Variants in LMO7 observed in about 807,000 individuals in gnomAD.
The protein encoded by LMO7 is LIM domain 7.
LMO7 carries 120 observed loss-of-function variants against 206.5 expected under a neutral mutation model. The observed-to-expected ratio is 0.58, with a 90% CI of 0.50 to 0.68. The LOEUF is 0.68. Ranked by LOEUF, LMO7 falls within the 30% of genes least tolerant of loss-of-function variation. The pLI is 0.00. For synonymous variants in LMO7, 706 were observed against 681.5 expected, an observed-to-expected ratio of 1.04 and a Z score of -0.56; for missense variants, 1,959 against 1,957.9, an observed-to-expected ratio of 1.00 and a Z score of -0.01.
At chr13:75,794,651 C>T (rs2053729124) in intron 4 of LMO7, among the ~76,000 whole-genome samples, 1 of 152,162 alleles carries the variant, frequency 6.6e-6, no homozygotes. Flanking sequence ...TTAAGTGTCT[C>T]TAATGAGGGG....
intron 4 of LMO7, 61 bp from the exon 5 acceptor site, chr13:75,795,340 G>A (rs1446432195): frequency 5.3e-6 from 6 of 1,132,344 alleles, no homozygotes; most frequent in Non-Finnish European, 7.7e-6. Context: ...TTTTTTTCTA[G>A]CTATAATTAA....
intron 1 of LMO7, among the ~76,000 whole-genome samples, chr13:75,700,122 G>A (rs1040756939): frequency 6.6e-6 from 1 of 152,192 alleles, no homozygotes; most frequent in Non-Finnish European, 1.5e-5. Context: ...GAACATCGCT[G>A]TTATCCTGTT....
Position 75,841,713 on chromosome 13 carries a change from G to T in LMO7, c.3761G>T (p.Gly1254Val). ...ACCTGGGAAGCTACCTGGAGTGAAGGGTCCAAGTCTTCAGACAGAGAAGGA... is the reference window on the plus strand; with the variant it reads ...ACCTGGGAAGCTACCTGGAGTGAAGTGTCCAAGTCTTCAGACAGAGAAGGA... ...LATWEATWSE[G>V]SKSSDREGTR... The change falls in exon 24 of 31, where the codon GGG becomes GTG. Residue 1254 changes from glycine to valine, a missense_variant. By Grantham distance (109) the Gly-to-Val change is moderately radical. Coordinates refer to ENST00000377534, the MANE Select transcript of LMO7 (RefSeq NM_001306080.2). 6.2e-7 allele frequency: 1 copy of T among 1,614,092 alleles called. No individual in the cohort carries two copies. Among genetic ancestry groups the T allele is most frequent in the Non-Finnish European group, 8.5e-7 (1 of 1,179,982 alleles).
chr13:75,662,739 T>C (rs2038723831), intron 1 of LMO7, among the ~76,000 whole-genome samples: 1 of 152,240 alleles, frequency 6.6e-6, no homozygotes, highest in African/African-American at 2.4e-5. Flanking sequence ...CTCATTTACC[T>C]TTACATTCTT....
intron 1 of LMO7, among the ~76,000 whole-genome samples, chr13:75,656,840 C>T (rs1176970807): frequency 6.6e-6 from 1 of 152,168 alleles, no homozygotes; most frequent in African/African-American, 2.4e-5. Context: ...TTTCCCTTCC[C>T]TTGTTGAGTC....
At chr13:75,679,313 A>G (rs1310675244) in intron 1 of LMO7, among the ~76,000 whole-genome samples, 2 of 152,224 alleles carry the variant, frequency 1.3e-5, no homozygotes, top group African/African-American at 4.8e-5. Flanking sequence ...GCCATGTTTC[A>G]TGTGTCTCAC....
chr13:75,761,004 G>A lies in LMO7; in HGVS notation c.283G>A (p.Asp95Asn), dbSNP rs202082794. Residue 95 changes from aspartate (D) to asparagine (N), a missense_variant, in exon 4 of 31, where the codon GAT becomes AAT. Coordinates refer to ENST00000377534, the MANE Select transcript of LMO7 (RefSeq NM_001306080.2). ...LKEAQLFHPG[D>N]LQDLSNRVTV... ...AGAAGCCCAGCTTTTCCATCCTGGA[G>A]ATCTACAGGATTTATCAAATCGAGT... is the stretch of plus-strand genomic sequence containing the variant. 3 of 1,608,044 alleles carry A rather than the reference G, an allele frequency of 1.9e-6. No individual in the cohort carries two copies. Among genetic ancestry groups the A allele is most frequent in the Non-Finnish European group, 2.6e-6 (3 of 1,175,642 alleles).
At chr13:75,678,268 A>C (rs1212828976) in intron 1 of LMO7, among the ~76,000 whole-genome samples, 1 of 152,150 alleles carries the variant, frequency 6.6e-6, no homozygotes. Context: ...ACCAGTGTGA[A>C]AGTGTTCTAT....
At chr13:75,632,981 C>G (rs2035181703), upstream of LMO7, among the ~76,000 whole-genome samples, 1 of 150,252 alleles carries the variant, frequency 6.7e-6, no homozygotes, top group East Asian at 2.0e-4. Context: ...CCTGCCTCAG[C>G]CTCCCAAGTA....
chr13:75,822,779 T>C (rs1158163432), intron 14 of LMO7, among the ~76,000 whole-genome samples: 4 of 104,598 alleles, frequency 3.8e-5, no homozygotes, highest in African/African-American at 1.2e-4. Context: ...TATATATATA[T>C]ATATATATAT....
chr13:75,656,548 G>A (rs1254897962), intron 1 of LMO7, among the ~76,000 whole-genome samples: 1 of 152,042 alleles, frequency 6.6e-6, no homozygotes, highest in Non-Finnish European at 1.5e-5. Context: ...GTTATGACTT[G>A]GGAATAAATG....
chr13:75,726,741 C>A (rs1304539252), intron 2 of LMO7, among the ~76,000 whole-genome samples: 1 of 152,072 alleles, frequency 6.6e-6, no homozygotes, highest in African/African-American at 2.4e-5. Flanking sequence ...CGAAATATTA[C>A]TTTTCTTTAA....
rs560026367 is a variant in LMO7 at position 75,786,137 on chromosome 13, C to G, written c.318-9264C>G. Among the ~76,000 whole-genome samples, 115 of 152,242 alleles carry G rather than the reference C, an allele frequency of 7.6e-4. No homozygotes were observed. The South Asian group carries it at 8.5e-3, about 11-fold the overall frequency. ...CCACCTCTCGATAGTACTGTTGGCT[C>G]TGCCTAATCTCAACATCATTACATT... On this transcript the variant is annotated intron_variant, in intron 4 of 30. Transcript: ENST00000377534.
At chr13:75,742,964 A>C (rs866981554) in intron 3 of LMO7, among the ~76,000 whole-genome samples, 45 of 152,358 alleles carry the variant, frequency 3.0e-4, no homozygotes, top group African/African-American at 1.0e-3. Flanking sequence ...AAATTTTTGC[A>C]AACTATGCAT....
intron 4 of LMO7, among the ~76,000 whole-genome samples, chr13:75,780,747 G>C (rs2051204634): frequency 6.6e-6 from 1 of 152,192 alleles, no homozygotes. Flanking sequence ...TTGCAGTAAA[G>C]ACAGGTGTAA....
chr13:75,733,036 G>C (rs1000483084), intron 3 of LMO7, among the ~76,000 whole-genome samples: 3 of 152,080 alleles, frequency 2.0e-5, no homozygotes, highest in Admixed American at 6.5e-5. Flanking sequence ...TGCCCCTACT[G>C]GGGGGTGCCT....
At chr13:75,820,323 G>A (rs9318376) in intron 13 of LMO7, among the ~76,000 whole-genome samples, 40,951 of 152,050 alleles carry the variant, frequency 0.27, 6,474 homozygotes, top group Non-Finnish European at 0.36. Flanking sequence ...TTTAATCCCT[G>A]ATAAATGTTC....
chr13:75,694,995 G>T (rs913284620), intron 1 of LMO7, among the ~76,000 whole-genome samples: 4 of 152,100 alleles, frequency 2.6e-5, no homozygotes, highest in Admixed American at 2.6e-4. Flanking sequence ...GGATTAACCC[G>T]GGCCCTCCTG....
intron 2 of LMO7, among the ~76,000 whole-genome samples, chr13:75,626,595 A>ATATATATATTTTTTTTTTTTTTTTTTT: frequency 2.1e-4 from 15 of 71,158 alleles, no homozygotes; most frequent in Non-Finnish European, 4.3e-4. Flanking sequence ...ATATATATAA[A>ATATATATATTTTTTTTTTTTTTTTTTT]TTTTTTTGAG....
Sources: gnomAD v4.1 joint callset for allele counts (sites outside exome capture counted in the v4.1 genomes callset) on GRCh38, gnomAD v4.1.1 for gene constraint, MANE v1.5 for transcripts, NCBI Gene and HGNC (gene_info 2026-07-23, HGNC 2026-07-21) for gene names.